The following UNC5D variants were observed in gnomAD, a reference collection of about 807,000 sequenced individuals.
The protein encoded by UNC5D is netrin receptor UNC5D.
In UNC5D, 39 loss-of-function variants were observed where a neutral mutation model predicts 105.4. The observed-to-expected ratio is 0.37, with a 90% CI of 0.29 to 0.48. UNC5D has a LOEUF of 0.48. Among genes scored for constraint, UNC5D ranks in the 20% least tolerant of loss-of-function variants. UNC5D has a pLI of 0.98. For synonymous variants in UNC5D, 452 were observed against 450.4 expected (o/e 1.00, Z -0.04); for missense variants, 991 against 1,202.4 (o/e 0.82, Z 2.60).
intron 1 of UNC5D, among the ~76,000 whole-genome samples, chr8:35,409,470 T>G (rs13248929): frequency 6.7e-6 from 1 of 149,378 alleles, no homozygotes; most frequent in Admixed American, 6.6e-5. Flanking sequence ...TTTCTCATGG[T>G]TTTAACTTAA....
chr8:35,759,275 A>G (rs1270375705), intron 13 of UNC5D, 45 bp from the exon 14 acceptor site: 1 of 1,597,144 alleles, frequency 6.3e-7, no homozygotes, highest in Non-Finnish European at 8.6e-7. Context: ...TGTAAGTAGC[A>G]GGATATTTCA....
At chr8:35,682,067 C>T (rs1276506948) in intron 4 of UNC5D, among the ~76,000 whole-genome samples, 1 of 152,102 alleles carries the variant, frequency 6.6e-6, no homozygotes, top group Non-Finnish European at 1.5e-5. Context: ...CTGGTTCAAG[C>T]GATTCTCCTG....
intron 4 of UNC5D, among the ~76,000 whole-genome samples, chr8:35,630,965 G>T (rs1032647343): frequency 6.6e-6 from 1 of 152,222 alleles, no homozygotes; most frequent in Non-Finnish European, 1.5e-5. Flanking sequence ...ATTAAGACTA[G>T]GTTTTCTCCT....
chr8:35,389,993 C>A (rs1803670449), intron 1 of UNC5D, among the ~76,000 whole-genome samples: 1 of 152,154 alleles, frequency 6.6e-6, no homozygotes, highest in Non-Finnish European at 1.5e-5. Context: ...AAGAAAAGAG[C>A]TTTAATTCGC....
chr8:35,789,255 A>T (rs1325498304), intron 16 of UNC5D, among the ~76,000 whole-genome samples: 3 of 143,672 alleles, frequency 2.1e-5, no homozygotes, highest in African/African-American at 7.6e-5. Flanking sequence ...TCAAGGCCAG[A>T]CCAAGGAAGT....
chr8:35,362,791 G>GT (rs1431374712), intron 1 of UNC5D, among the ~76,000 whole-genome samples: 2 of 152,112 alleles, frequency 1.3e-5, no homozygotes, highest in African/African-American at 4.8e-5. Flanking sequence ...TTTTGGCTTT[G>GT]TTGGCTGTAA....
At chr8:35,251,046 C>G (rs1222480694) in intron 1 of UNC5D, among the ~76,000 whole-genome samples, 1 of 152,100 alleles carries the variant, frequency 6.6e-6, no homozygotes, top group Admixed American at 6.6e-5. Context: ...TTTGAAGATT[C>G]CTATAATGAC....
intron 1 of UNC5D, among the ~76,000 whole-genome samples, chr8:35,488,507 C>G (rs1810976991): frequency 6.6e-6 from 1 of 152,180 alleles, no homozygotes; most frequent in South Asian, 2.1e-4. Flanking sequence ...CGGGTTGCCT[C>G]TGAGGGCCTT....
At chr8:35,438,769 C>T (rs368155225) in intron 1 of UNC5D, among the ~76,000 whole-genome samples, 3 of 151,862 alleles carry the variant, frequency 2.0e-5, no homozygotes, top group African/African-American at 7.3e-5. Context: ...TGATCAAGAA[C>T]GTGTAAAGCA....
At chr8:35,549,539 T>C (rs1815949922) in intron 2 of UNC5D, 29 bp downstream of exon 2, 2 of 1,596,214 alleles carry the variant, frequency 1.3e-6, no homozygotes, top group Non-Finnish European at 1.7e-6. Context: ...CAGAAGCAGC[T>C]GTGGTGACTC....
chr8:35,459,343 C>T (rs1310263947), intron 1 of UNC5D, among the ~76,000 whole-genome samples: 1 of 152,044 alleles, frequency 6.6e-6, no homozygotes, highest in East Asian at 1.9e-4. Flanking sequence ...GATATTGTTG[C>T]CAATAACAAG....
At chr8:35,589,257 G>A (rs1028519516) in intron 3 of UNC5D, among the ~76,000 whole-genome samples, 2 of 151,992 alleles carry the variant, frequency 1.3e-5, no homozygotes, top group Non-Finnish European at 2.9e-5. Flanking sequence ...TTGAGCTTAT[G>A]ATTTTTAATG....
At chr8:35,505,496 A>G (rs1812252721) in intron 1 of UNC5D, among the ~76,000 whole-genome samples, 1 of 152,226 alleles carries the variant, frequency 6.6e-6, no homozygotes. Flanking sequence ...AGTGGAATTA[A>G]TTTGAGGCCA....
chr8:35,246,169 C>A (rs1474866278), intron 1 of UNC5D, among the ~76,000 whole-genome samples: 1 of 152,146 alleles, frequency 6.6e-6, no homozygotes, highest in Non-Finnish European at 1.5e-5. Context: ...GTCATTAAGG[C>A]TCCTTCCTGC....
At chr8:35,518,179 T>C (rs1248903315) in intron 1 of UNC5D, among the ~76,000 whole-genome samples, 2 of 152,224 alleles carry the variant, frequency 1.3e-5, no homozygotes, top group African/African-American at 4.8e-5. Context: ...CAAGTAGCAC[T>C]GTTTTTCATA....
chr8:35,270,179 A>G (rs1805181336), intron 1 of UNC5D, among the ~76,000 whole-genome samples: 1 of 152,000 alleles, frequency 6.6e-6, no homozygotes, highest in African/African-American at 2.4e-5. Context: ...AATTCTCCCA[A>G]TTTTCCTCCT....
chr8:35,781,933 T>C (rs959567084), intron 16 of UNC5D, among the ~76,000 whole-genome samples: 2 of 152,216 alleles, frequency 1.3e-5, no homozygotes, highest in Admixed American at 6.5e-5. Flanking sequence ...GGAAATTTTA[T>C]TGCCAAATTA....
intron 1 of UNC5D, among the ~76,000 whole-genome samples, chr8:35,425,658 T>C (rs151299805): frequency 2.0e-5 from 3 of 152,252 alleles, no homozygotes; most frequent in African/African-American, 4.8e-5. Context: ...TCAGAACCAA[T>C]TGTCTTTCTC....
chr8:35,256,442 T>A (rs1804079337), intron 1 of UNC5D: 1 of 152,136 alleles, frequency 6.6e-6, no homozygotes, highest in Non-Finnish European at 1.5e-5. Context: ...ACATTAGGTA[T>A]TTCTCCTAAT....
Sources: allele counts gnomAD v4.1 joint callset (sites outside exome capture counted in the v4.1 genomes callset), GRCh38; gene constraint gnomAD v4.1.1; transcripts MANE v1.5; gene names NCBI Gene and HGNC (gene_info 2026-07-23, HGNC 2026-07-21).